The following CHST11 variants were observed in gnomAD, a reference collection of about 807,000 sequenced individuals.
The protein encoded by CHST11 is carbohydrate sulfotransferase 11, also known as C4S-1.
A neutral mutation model predicts 30.4 loss-of-function variants in CHST11; 9 were observed. The observed-to-expected ratio is 0.30, with a 90% CI of 0.18 to 0.52. The LOEUF (loss-of-function observed/expected upper bound fraction) is 0.52, where lower values mean the gene tolerates loss of function less well. CHST11 is among the 20% of genes least tolerant of loss of function. The probability of loss-of-function intolerance (pLI) is 0.97; values close to 1 mark genes in which losing one functional copy is unlikely to be tolerated. For synonymous variants in CHST11, 152 were observed against 187.8 expected, an observed-to-expected ratio of 0.81 and a Z score of 1.56; for missense variants, 348 against 460.6, an observed-to-expected ratio of 0.76 and a Z score of 2.24.
chr12:104,636,430 A>G (rs534839005), intron 2 of CHST11, among the ~76,000 whole-genome samples: 3 of 152,312 alleles, frequency 2.0e-5, no homozygotes, highest in Admixed American at 6.5e-5. Context: ...TGTTCTCTCC[A>G]TCAGCCTCTG....
intron 2 of CHST11, among the ~76,000 whole-genome samples, chr12:104,661,005 C>T (rs1168585258): frequency 2.0e-5 from 3 of 152,124 alleles, no homozygotes; most frequent in Non-Finnish European, 4.4e-5. Context: ...ATCCTCAGCT[C>T]GATCCACTCT....
At position 104,481,115 on chromosome 12, in the gene CHST11, T is replaced by C. The variant is rs537797086; in HGVS notation, c.118+23586T>C. ...GAAGAGAGCTGCCTTTCTGCTCTGC[T>C]GTAACACTGCAAAGGTACAGCCTTT... On this transcript the variant is annotated intron_variant, in intron 1 of 2. Coordinates refer to ENST00000303694, the MANE Select transcript of CHST11 (RefSeq NM_018413.6). 3.9e-5 allele frequency among the ~76,000 whole-genome samples: 6 copies of C among 152,334 alleles called. No homozygotes were observed. In the South Asian group the frequency reaches 1.2e-3, roughly 32 times the overall value.
chr12:104,471,996 T>C (rs1027703922), intron 1 of CHST11, among the ~76,000 whole-genome samples: 2 of 152,190 alleles, frequency 1.3e-5, no homozygotes, highest in Non-Finnish European at 2.9e-5. Context: ...AATCTTGCTC[T>C]GTCACCCAGG....
intron 1 of CHST11, among the ~76,000 whole-genome samples, chr12:104,463,553 A>T (rs557536519): frequency 2.0e-5 from 3 of 152,302 alleles, no homozygotes; most frequent in Admixed American, 2.0e-4. Context: ...GATGTAACAC[A>T]TACATACATC....
intron 1 of CHST11, among the ~76,000 whole-genome samples, chr12:104,469,151 C>T (rs561318813): frequency 2.0e-5 from 3 of 152,186 alleles, no homozygotes; most frequent in African/African-American, 7.2e-5. Context: ...GCGTCCTACA[C>T]TGTAAGATTT....
intron 2 of CHST11, among the ~76,000 whole-genome samples, chr12:104,716,212 G>C (rs1467227631): frequency 6.6e-6 from 1 of 152,226 alleles, no homozygotes; most frequent in Non-Finnish European, 1.5e-5. Flanking sequence ...TTCCTTTAGG[G>C]TAGAGAGAAA....
At chr12:104,728,707 C>T (rs2040234135) in intron 2 of CHST11, among the ~76,000 whole-genome samples, 1 of 152,192 alleles carries the variant, frequency 6.6e-6, no homozygotes, top group Admixed American at 6.5e-5. Flanking sequence ...GAAGTCCCAA[C>T]CCTACCCGGG....
chr12:104,716,166 C>T (rs1210592639), intron 2 of CHST11, among the ~76,000 whole-genome samples: 1 of 152,188 alleles, frequency 6.6e-6, no homozygotes, highest in Non-Finnish European at 1.5e-5. Flanking sequence ...GCCCCAGAGC[C>T]AATGTCGCAG....
At chr12:104,463,597 G>A (rs542812408) in intron 1 of CHST11, among the ~76,000 whole-genome samples, 332 of 152,282 alleles carry the variant, frequency 2.2e-3, no homozygotes, top group African/African-American at 7.7e-3. Context: ...CTAGTGGGGC[G>A]GACAGACTTT....
intron 1 of CHST11, among the ~76,000 whole-genome samples, chr12:104,586,235 A>C (rs1011746400): frequency 2.0e-5 from 3 of 152,144 alleles, no homozygotes; most frequent in African/African-American, 7.2e-5. Context: ...AAGAGTGGAG[A>C]AAAGGGAAAG....
At chr12:104,486,989 A>T (rs2135964593) in intron 1 of CHST11, among the ~76,000 whole-genome samples, 1 of 152,354 alleles carries the variant, frequency 6.6e-6, no homozygotes, top group African/African-American at 2.4e-5. Context: ...AGCAAAGCAC[A>T]TTTCTGGTCT....
At chr12:104,566,363 G>T (rs1028877925) in intron 1 of CHST11, among the ~76,000 whole-genome samples, 1 of 152,160 alleles carries the variant, frequency 6.6e-6, no homozygotes, top group South Asian at 2.1e-4. Flanking sequence ...TGCATCTAGC[G>T]GTTGGGGTGG....
chr12:104,715,451 C>A (rs971293234), intron 2 of CHST11, among the ~76,000 whole-genome samples: 2 of 152,082 alleles, frequency 1.3e-5, no homozygotes, highest in African/African-American at 4.8e-5. Flanking sequence ...TAAATAAGAC[C>A]CTGCATGACA....
chr12:104,515,817 G>T (rs2038016713), intron 1 of CHST11, among the ~76,000 whole-genome samples: 1 of 152,198 alleles, frequency 6.6e-6, no homozygotes, highest in Admixed American at 6.5e-5. Flanking sequence ...GATGGGGCTG[G>T]GGCAGCGGGG....
chr12:104,512,199 T>G (rs1169991057), intron 1 of CHST11, among the ~76,000 whole-genome samples: 1 of 152,230 alleles, frequency 6.6e-6, no homozygotes. Context: ...AGTGAGAGAT[T>G]TAAAAACATC....
chr12:104,725,108 T>G (rs993170966), intron 2 of CHST11, among the ~76,000 whole-genome samples: 3 of 152,202 alleles, frequency 2.0e-5, no homozygotes, highest in Non-Finnish European at 2.9e-5. Context: ...CACTTATCTT[T>G]GAGCACGTTC....
Position 104,757,356 on chromosome 12 carries a change from C to A in CHST11, c.612C>A (p.Tyr204Ter). The A allele has an allele frequency of 6.2e-7, 1 of 1,614,154 alleles. No individual in the cohort carries two copies. The highest frequency in any genetic ancestry group is 1.1e-5 in the South Asian group (1 of 91,078). The part of the protein sequence containing the change: ...SAYRNKFTQK[Y>*]NISFHKRYGT... ...ACCGCAACAAGTTCACCCAGAAGTA[C>A]AACATCTCCTTCCACAAGCGGTACG... The change falls in exon 3 of 3, where the codon TAC becomes TAA. Residue 204 changes from tyrosine (Y) to a stop codon, truncating the protein, a stop_gained. Transcript: ENST00000303694. LOFTEE classifies it high-confidence loss of function. This position sits in a 1 kb window ranked among gnomAD's most constrained non-coding sequence, Gnocchi z 6.5.
rs185516424 is a variant in CHST11, at chr12:104,498,044, G to T, written c.118+40515G>T. On this transcript the variant is annotated intron_variant, in intron 1 of 2. Transcript: ENST00000303694. ...AGCAATTCTCGTGCCTCAGCCTCCCGAGTAGCTGGAATTGTAGGCATGTAC... is the reference window on the plus strand; with the variant it reads ...AGCAATTCTCGTGCCTCAGCCTCCCTAGTAGCTGGAATTGTAGGCATGTAC... Among the ~76,000 whole-genome samples the T allele has an allele frequency of 5.6e-4, 84 of 150,328 alleles. 1 individual carries two copies. Among genetic ancestry groups the T allele is most frequent in the Middle Eastern group, 3.4e-3 (1 of 290 alleles).
Position 104,589,966 on chromosome 12 carries a change from G to A in CHST11, c.119-11940G>A, listed in dbSNP as rs549984379. 8.0e-4 allele frequency among the ~76,000 whole-genome samples: 121 copies of A among 152,028 alleles called. 2 individuals are homozygous for A. Among genetic ancestry groups the A allele is most frequent in the African/African-American group, 2.7e-3 (110 of 41,444 alleles). ...GGAGGCTGCAGTGAGCCAAGATGGC[G>A]CCACTGCACTCCAGCCTGGGCAACA... On this transcript the variant is annotated intron_variant, in intron 1 of 2. Transcript: ENST00000303694.
Sources: allele counts gnomAD v4.1 joint callset (sites outside exome capture counted in the v4.1 genomes callset), GRCh38; gene constraint gnomAD v4.1.1; non-coding constraint Gnocchi (gnomAD v3.1); transcripts MANE v1.5; gene names NCBI Gene and HGNC (gene_info 2026-07-23, HGNC 2026-07-21).